The following SIDT1 variants were observed in gnomAD, a reference collection of about 807,000 sequenced individuals.
SIDT1 encodes SID1 transmembrane family, member 1.
In SIDT1, 101 loss-of-function variants were observed where a neutral mutation model predicts 107.5. The observed-to-expected ratio is 0.94, with a 90% CI of 0.80 to 1.11. The LOEUF (loss-of-function observed/expected upper bound fraction) is 1.11. Among genes scored for constraint, SIDT1 ranks in the 50% least tolerant of loss-of-function variants. The pLI, the probability that SIDT1 is intolerant of heterozygous loss-of-function variation, is 0.00. For missense variants in SIDT1, 1,076 were observed against 1,058.2 expected (o/e 1.02, Z -0.23); for synonymous variants, 395 against 398.2 (o/e 0.99, Z 0.10).
intron 1 of SIDT1, among the ~76,000 whole-genome samples, chr3:113,535,923 C>T (rs1207331423): frequency 6.6e-6 from 1 of 152,200 alleles, no homozygotes; most frequent in Admixed American, 6.5e-5. Flanking sequence ...CTACTCTCTT[C>T]TTAGTTCTTC....
intron 9 of SIDT1, among the ~76,000 whole-genome samples, chr3:113,589,521 T>C (rs2107577374): frequency 6.7e-6 from 1 of 149,532 alleles, no homozygotes; most frequent in South Asian, 2.1e-4. Flanking sequence ...AAATTATAAC[T>C]TCTCTCCCTT....
At chr3:113,601,854 T>A in intron 11 of SIDT1, 195 bp downstream of exon 11, 2 of 517,904 alleles carry the variant, frequency 3.9e-6, no homozygotes, top group Non-Finnish European at 6.8e-6. Context: ...GTTCTGTTGT[T>A]CTGTTTCTTG....
chr3:113,569,467 T>G (rs1244791214), intron 3 of SIDT1, among the ~76,000 whole-genome samples: 1 of 152,186 alleles, frequency 6.6e-6, no homozygotes. Flanking sequence ...ACAGTAAAGT[T>G]CTCCTTAAAT....
chr3:113,615,520 TA>T (rs947951240), intron 19 of SIDT1, among the ~76,000 whole-genome samples: 2 of 152,212 alleles, frequency 1.3e-5, no homozygotes, highest in Non-Finnish European at 2.9e-5. Flanking sequence ...CAACTGTGCT[TA>T]AAAAAACTTT....
intron 1 of SIDT1, among the ~76,000 whole-genome samples, chr3:113,548,123 A>G (rs1014838296): frequency 6.6e-5 from 10 of 151,976 alleles, no homozygotes; most frequent in African/African-American, 1.9e-4. Context: ...TTTTGACTTA[A>G]TTTGCTTCCT....
intron 1 of SIDT1, 114 bp downstream of exon 1, chr3:113,533,357 C>G (rs1002467970): frequency 5.3e-6 from 4 of 751,756 alleles, no homozygotes; most frequent in African/African-American, 3.7e-5. Flanking sequence ...GACCAGGGGA[C>G]TTTCTTTCCC....
chr3:113,543,221 G>T (rs370591390), intron 1 of SIDT1, among the ~76,000 whole-genome samples: 1 of 152,046 alleles, frequency 6.6e-6, no homozygotes, highest in East Asian at 1.9e-4. Context: ...GATTACAGGT[G>T]TGAGCCACCA....
intron 3 of SIDT1, among the ~76,000 whole-genome samples, chr3:113,574,225 A>G (rs923755896): frequency 1.3e-5 from 2 of 152,208 alleles, no homozygotes; most frequent in African/African-American, 4.8e-5. Flanking sequence ...AAGAATGAGA[A>G]TTAAGTACAT....
chr3:113,546,227 G>A (rs1939570604), intron 1 of SIDT1, among the ~76,000 whole-genome samples: 1 of 152,140 alleles, frequency 6.6e-6, no homozygotes, highest in African/African-American at 2.4e-5. Context: ...AAGAGTCATT[G>A]TTCTGATATT....
intron 1 of SIDT1, 82 bp from the exon 2 acceptor site, chr3:113,566,330 GTGTGTGTT>G (rs899530415): frequency 2.4e-6 from 3 of 1,272,886 alleles, no homozygotes; most frequent in East Asian, 2.4e-5. Flanking sequence ...GTGTGTGTTT[GTGTGTGTT>G]TGTGTGTGTG....
chr3:113,560,451 T>G (rs1484696230), intron 1 of SIDT1, among the ~76,000 whole-genome samples: 1 of 152,240 alleles, frequency 6.6e-6, no homozygotes, highest in Non-Finnish European at 1.5e-5. Context: ...CCACAGCTCC[T>G]GACTCAGGGC....
intron 3 of SIDT1, among the ~76,000 whole-genome samples, chr3:113,568,615 AG>A (rs1942152825): frequency 6.6e-6 from 1 of 151,704 alleles, no homozygotes; most frequent in Non-Finnish European, 1.5e-5. Context: ...AGAAAAGAAA[AG>A]AAAAGAAAAG....
In SIDT1 at chr3:113,612,127, T is replaced by C. The variant is rs1945798701; in HGVS notation, c.1899T>C (p.Ser633=). ...KNDVWFWVIF[S]AIHVLASLAL... ...ACGTATGGTTCTGGGTCATCTTCTCTGCAATCCACGTTCTGGCCTCGCTAG... is the reference window on the plus strand; with the variant it reads ...ACGTATGGTTCTGGGTCATCTTCTCCGCAATCCACGTTCTGGCCTCGCTAG... Residue 633 remains serine, a synonymous_variant, in exon 19 of 25, where the codon TCT becomes TCC. Coordinates refer to ENST00000264852, the MANE Select transcript of SIDT1 (RefSeq NM_017699.3). 3 of 1,614,068 alleles carry C rather than the reference T, an allele frequency of 1.9e-6. No homozygotes were observed. Among genetic ancestry groups the C allele is most frequent in the Non-Finnish European group, 1.7e-6 (2 of 1,180,034 alleles).
intron 21 of SIDT1, among the ~76,000 whole-genome samples, chr3:113,620,605 G>C (rs1946402906): frequency 7.0e-6 from 1 of 143,528 alleles, no homozygotes; most frequent in African/African-American, 2.4e-5. Context: ...AGTCCTATCT[G>C]GGGGGCATGT....
At chr3:113,582,132 T>A (rs1203103779) in intron 6 of SIDT1, among the ~76,000 whole-genome samples, 2 of 152,202 alleles carry the variant, frequency 1.3e-5, no homozygotes, top group East Asian at 3.9e-4. Flanking sequence ...CTGAACAGAA[T>A]GGACAGATTC....
At chr3:113,563,090 C>T (rs994798209) in intron 1 of SIDT1, among the ~76,000 whole-genome samples, 1 of 152,176 alleles carries the variant, frequency 6.6e-6, no homozygotes, top group Non-Finnish European at 1.5e-5. Flanking sequence ...CCAGTCAACA[C>T]TGGGGACATA....
intron 11 of SIDT1, 153 bp from the exon 12 acceptor site, chr3:113,602,852 A>G (rs1289637224): frequency 2.9e-6 from 2 of 678,112 alleles, no homozygotes; most frequent in Non-Finnish European, 4.7e-6. Flanking sequence ...TTGAGAAGGA[A>G]TAGAGAGAAA....
At chr3:113,540,145 G>A (rs943745533) in intron 1 of SIDT1, among the ~76,000 whole-genome samples, 2 of 152,176 alleles carry the variant, frequency 1.3e-5, no homozygotes, top group African/African-American at 2.4e-5. Context: ...TGGTGAGAGA[G>A]AAAGCGAGAG....
At chr3:113,535,274 C>T (rs1937996726) in intron 1 of SIDT1, among the ~76,000 whole-genome samples, 1 of 137,052 alleles carries the variant, frequency 7.3e-6, no homozygotes, top group Non-Finnish European at 1.6e-5. Flanking sequence ...CCTGTTTTTT[C>T]AAAATGTTTT....
Sources: gnomAD v4.1 joint callset for allele counts (sites outside exome capture counted in the v4.1 genomes callset) on GRCh38, gnomAD v4.1.1 for gene constraint, MANE v1.5 for transcripts, NCBI Gene and HGNC (gene_info 2026-07-23, HGNC 2026-07-21) for gene names.